Variants in PTPRD observed in about 807,000 individuals in gnomAD.
The protein encoded by PTPRD is protein tyrosine phosphatase receptor type D, also known as receptor-type tyrosine-protein phosphatase delta.
In PTPRD, 34 loss-of-function variants were observed where a neutral mutation model predicts 214.5. That is an observed-to-expected ratio of 0.16 (90% confidence interval 0.12 to 0.21). The LOEUF is 0.21. PTPRD is among the 10% of genes least tolerant of loss of function. The probability of loss-of-function intolerance (pLI) is 1.00; values close to 1 mark genes in which losing one functional copy is unlikely to be tolerated. For synonymous variants in PTPRD, 1,128 were observed against 845.7 expected (o/e 1.33, Z -5.79); for missense variants, 2,545 against 2,398.7 (o/e 1.06, Z -1.27).
chr9:8,953,637 A>C (rs1473556744), intron 11 of PTPRD, among the ~76,000 whole-genome samples: 1 of 151,996 alleles, frequency 6.6e-6, no homozygotes, highest in Non-Finnish European at 1.5e-5. Context: ...TAAGGAACTT[A>C]AATAAATCAA....
chr9:10,515,082 ATAATAT>A (rs2049587113), intron 2 of PTPRD, among the ~76,000 whole-genome samples: 1 of 152,012 alleles, frequency 6.6e-6, no homozygotes, highest in Non-Finnish European at 1.5e-5. Flanking sequence ...TTTGCTACAT[ATAATAT>A]TATCCCACCC....
At chr9:8,471,183 A>T (rs1257713209) in intron 30 of PTPRD, 98 bp from the exon 31 acceptor site, 2 of 892,608 alleles carry the variant, frequency 2.2e-6, no homozygotes, top group Admixed American at 3.5e-5. Context: ...TTGAAGGCAA[A>T]TTATGGATAT....
intron 2 of PTPRD, among the ~76,000 whole-genome samples, chr9:10,450,532 G>C (rs1302152666): frequency 6.6e-6 from 1 of 151,964 alleles, no homozygotes; most frequent in East Asian, 1.9e-4. Context: ...CTAATCTGTA[G>C]TTTATATTTT....
At chr9:10,580,972 TA>T (rs2071529822) in intron 2 of PTPRD, among the ~76,000 whole-genome samples, 1 of 152,146 alleles carries the variant, frequency 6.6e-6, no homozygotes. Flanking sequence ...GTTCTCACAG[TA>T]AAAGGCAGCA....
intron 44 of PTPRD, among the ~76,000 whole-genome samples, chr9:8,323,645 T>C (rs1016171382): frequency 1.3e-5 from 2 of 152,142 alleles, no homozygotes; most frequent in Non-Finnish European, 2.9e-5. Flanking sequence ...AGCCAGGAGA[T>C]GGGACTGAAC....
intron 3 of PTPRD, among the ~76,000 whole-genome samples, chr9:10,156,078 TTGTGTGTGTGTGTGTGTGTGTG>T (rs71485323): frequency 2.6e-4 from 34 of 132,638 alleles, no homozygotes; most frequent in African/African-American, 9.1e-4. Context: ...TTTTGAATGT[TTGTGTGTGTGTGTGTGTGTGTG>T]TGTGTGTGTG....
intron 3 of PTPRD, among the ~76,000 whole-genome samples, chr9:10,036,247 C>A (rs1011735890): frequency 6.6e-6 from 1 of 152,028 alleles, no homozygotes; most frequent in Non-Finnish European, 1.5e-5. Flanking sequence ...TATTTTAATC[C>A]CTTTCTCCTT....
rs528263107 is a variant in PTPRD, at chr9:10,555,727, G to C, written c.-600+56671C>G. ...CTCAGATAATTTTAAAAATTGAAAAGAAGTTTTACAAACAAGTGCTAGAAA... is the reference window on the plus strand; with the variant it reads ...CTCAGATAATTTTAAAAATTGAAAACAAGTTTTACAAACAAGTGCTAGAAA... On this transcript the variant is annotated intron_variant, in intron 2 of 45. Coordinates refer to ENST00000381196, the MANE Select transcript of PTPRD (RefSeq NM_002839.4). Among the ~76,000 whole-genome samples the C allele has an allele frequency of 4.0e-5, 6 of 151,856 alleles. No homozygotes were observed. In the South Asian group the frequency reaches 1.2e-3, roughly 31 times the overall value.
intron 39 of PTPRD, among the ~76,000 whole-genome samples, chr9:8,357,245 C>T (rs547127536): frequency 1.3e-5 from 2 of 152,348 alleles, no homozygotes; most frequent in South Asian, 4.1e-4. Flanking sequence ...TGTGGATGAG[C>T]TGCTTTTCCT....
chr9:10,520,273 G>A (rs1249845370), intron 2 of PTPRD, among the ~76,000 whole-genome samples: 1 of 152,122 alleles, frequency 6.6e-6, no homozygotes. Flanking sequence ...AGTAAATTGT[G>A]GTGGTCTACA....
rs752339741 is a variant in PTPRD, at chr9:8,465,631, C to T, written c.3549G>A (p.Gly1183=). 1 of 1,612,166 alleles carries T rather than the reference C, an allele frequency of 6.2e-7. No individual in the cohort carries two copies. The highest frequency in any genetic ancestry group is 8.5e-7 in the Non-Finnish European group (1 of 1,178,888). Reference sequence around the variant, plus strand: ...TATATGGCTTTAATTCAACTTCTCTCCCATAACGGATGCTTCTGCGCTTCC... The same window carrying T: ...TATATGGCTTTAATTCAACTTCTCTTCCATAACGGATGCTTCTGCGCTTCC... ...ISRKRRSIRY[G]REVELKPYIA... is the part of the protein sequence containing the mutation. Residue 1183 remains glycine, a synonymous_variant, in exon 32 of 46, where the codon GGG becomes GGA. Transcript: ENST00000381196.
chr9:9,924,033 C>G (rs569550214), intron 5 of PTPRD, among the ~76,000 whole-genome samples: 2 of 152,008 alleles, frequency 1.3e-5, no homozygotes, highest in African/African-American at 4.8e-5. Context: ...TCACTAACAA[C>G]TTTATAAACT....
In PTPRD at chr9:9,578,045, C is replaced by CAAAAAAAAAA. The variant is rs34128512; in HGVS notation, c.-286-3274_-286-3265dup. Among the ~76,000 whole-genome samples, 5 of 102,422 alleles carry CAAAAAAAAAA rather than the reference C, an allele frequency of 4.9e-5. 2 individuals carry two copies. Among genetic ancestry groups the CAAAAAAAAAA allele is most frequent in the Admixed American group, 2.3e-4 (2 of 8,644 alleles). The allele number at this position is 102,422 out of a possible 152,430, so 67.2% of individuals were successfully genotyped here. On this transcript the variant is annotated intron_variant, in intron 7 of 45. Coordinates refer to ENST00000381196, the MANE Select transcript of PTPRD (RefSeq NM_002839.4). Reference sequence around the variant, plus strand: ...TTGGTGACAGAGTAAGACTCTGTCTCAAAAAAAAAAAAAAAAAAAAAAAAA... The same window carrying CAAAAAAAAAA: ...TTGGTGACAGAGTAAGACTCTGTCTCAAAAAAAAAAAAAAAAAAAAAAAAAAAAAAAAAAA...
intron 5 of PTPRD, among the ~76,000 whole-genome samples, chr9:9,824,204 C>T (rs2051849478): frequency 6.6e-6 from 1 of 151,590 alleles, no homozygotes; most frequent in Non-Finnish European, 1.5e-5. Flanking sequence ...TTCAGAAATC[C>T]AAAACATTTC....
chr9:8,612,870 T>C (rs2095497537), intron 14 of PTPRD, among the ~76,000 whole-genome samples: 1 of 152,204 alleles, frequency 6.6e-6, no homozygotes, highest in Admixed American at 6.5e-5. Flanking sequence ...GAGTGATTAT[T>C]TAAAATTATA....
At chr9:9,217,765 C>G (rs1348474998) in intron 9 of PTPRD, among the ~76,000 whole-genome samples, 1 of 152,118 alleles carries the variant, frequency 6.6e-6, no homozygotes, top group African/African-American at 2.4e-5. Flanking sequence ...AACCTCATCT[C>G]CACCAAAATC....
intron 35 of PTPRD, among the ~76,000 whole-genome samples, chr9:8,427,321 C>T (rs920204622): frequency 2.0e-5 from 3 of 152,168 alleles, no homozygotes; most frequent in African/African-American, 7.2e-5. Context: ...GGGATGTCGA[C>T]TGGAAAAAGC....
At chr9:9,840,281 G>A (rs181679954) in intron 5 of PTPRD, among the ~76,000 whole-genome samples, 37 of 152,118 alleles carry the variant, frequency 2.4e-4, no homozygotes, top group African/African-American at 8.4e-4. Flanking sequence ...AGTGCTGCAT[G>A]AGCCACTATG....
intron 8 of PTPRD, among the ~76,000 whole-genome samples, chr9:9,504,302 A>T (rs1218927634): frequency 6.6e-6 from 1 of 151,672 alleles, no homozygotes; most frequent in African/African-American, 2.4e-5. Flanking sequence ...CCCAATATAT[A>T]TTGCTCAAAT....
Sources: allele counts gnomAD v4.1 joint callset (sites outside exome capture counted in the v4.1 genomes callset), GRCh38; gene constraint gnomAD v4.1.1; transcripts MANE v1.5; gene names NCBI Gene and HGNC (gene_info 2026-07-23, HGNC 2026-07-21).